Variants in WWOX observed in about 807,000 individuals in gnomAD.
WWOX encodes WW domain-containing oxidoreductase.
A neutral mutation model predicts 46.2 loss-of-function variants in WWOX; 69 were observed. The observed-to-expected ratio is 1.49, with a 90% CI of 1.23 to 1.82. WWOX has a LOEUF of 1.82. WWOX is among the 40% of genes most tolerant of loss of function. The probability of loss-of-function intolerance (pLI) is 0.00; values close to 1 mark genes in which losing one functional copy is unlikely to be tolerated. For missense variants in WWOX, 919 were observed against 542.6 expected, an observed-to-expected ratio of 1.69 and a Z score of -6.89; for synonymous variants, 359 against 202.6, an observed-to-expected ratio of 1.77 and a Z score of -6.56.
intron 8 of WWOX, among the ~76,000 whole-genome samples, chr16:79,128,159 C>G (rs945609615): frequency 6.6e-6 from 1 of 152,078 alleles, no homozygotes; most frequent in Non-Finnish European, 1.5e-5. Context: ...AAGACAATGG[C>G]TGTGGTTTGA....
intron 5 of WWOX, among the ~76,000 whole-genome samples, chr16:78,235,568 G>T (rs2037408529): frequency 6.6e-6 from 1 of 152,202 alleles, no homozygotes; most frequent in South Asian, 2.1e-4. Context: ...TCTTCAGCGT[G>T]GCTTCACTGG....
chr16:78,453,250 C>A (rs546272244), intron 8 of WWOX, among the ~76,000 whole-genome samples: 1 of 151,722 alleles, frequency 6.6e-6, no homozygotes. Context: ...ATGGTGAGAC[C>A]CTGTCTGTAC....
chr16:79,099,839 C>A (rs1402951588), intron 8 of WWOX, among the ~76,000 whole-genome samples: 2 of 152,088 alleles, frequency 1.3e-5, no homozygotes, highest in Non-Finnish European at 2.9e-5. Context: ...AGAGCAACAG[C>A]ATGAGTAGGA....
In WWOX at chr16:78,939,066, G is replaced by C. The variant is rs146831628; in HGVS notation, c.1057-272542G>C. Among the ~76,000 whole-genome samples the C allele has an allele frequency of 9.2e-5, 14 of 152,348 alleles. No individual in the cohort carries two copies. The East Asian group carries it at 2.7e-3, about 29-fold the overall frequency. The stretch of plus-strand genomic sequence containing the variant: ...AAAAGAAATGGAATTTCTAAATGGA[G>C]TGGGTAGCCACAGGAGGGCTTTAGA... On this transcript the variant is annotated intron_variant, in intron 8 of 8. Coordinates refer to ENST00000566780, the MANE Select transcript of WWOX (RefSeq NM_016373.4).
At chr16:78,917,334 C>G (rs4888878) in intron 8 of WWOX, among the ~76,000 whole-genome samples, 2,704 of 152,228 alleles carry the variant, frequency 0.018, 147 homozygotes, top group East Asian at 0.13. Context: ...TGTGGTGTCC[C>G]ACACTCAAAT....
At chr16:78,328,273 G>A (rs2151889753) in intron 5 of WWOX, among the ~76,000 whole-genome samples, 1 of 152,174 alleles carries the variant, frequency 6.6e-6, no homozygotes, top group South Asian at 2.1e-4. Context: ...GAATTGTCGT[G>A]GTCTTGTTTA....
chr16:78,362,871 C>T (rs8058491), intron 5 of WWOX, among the ~76,000 whole-genome samples: 12,854 of 152,162 alleles, frequency 0.084, 778 homozygotes, highest in African/African-American at 0.18. Flanking sequence ...AAGTGAGTTT[C>T]CGAAGTTGCT....
At chr16:78,170,158 A>C (rs1240131341) in intron 5 of WWOX, among the ~76,000 whole-genome samples, 1 of 152,150 alleles carries the variant, frequency 6.6e-6, no homozygotes, top group East Asian at 1.9e-4. Context: ...GCATTGCCAG[A>C]TGTCTCTTGG....
chr16:78,398,069 T>C (rs1449068779), intron 6 of WWOX, among the ~76,000 whole-genome samples: 1 of 152,208 alleles, frequency 6.6e-6, no homozygotes, highest in Non-Finnish European at 1.5e-5. Flanking sequence ...TCTACTTGTC[T>C]TCAAATTGAT....
chr16:78,108,523 G>A lies in WWOX; in HGVS notation c.172+36G>A, dbSNP rs375248981. The A allele has an allele frequency of 2.1e-5, 34 of 1,608,730 alleles. 1 individual carries two copies. In the South Asian group the frequency reaches 3.3e-4, roughly 16 times the overall value. ...TGTTGTCTAAGGATCTTGGATGGAA[G>A]CATTAAGTAGATGAGGAAATGTCAC... On this transcript the variant is annotated intron_variant, in intron 2 of 8. Coordinates refer to ENST00000566780, the MANE Select transcript of WWOX (RefSeq NM_016373.4).
intron 8 of WWOX, chr16:79,110,962 G>C (rs923988776): frequency 4.6e-5 from 7 of 152,336 alleles, no homozygotes; most frequent in Non-Finnish European, 2.9e-5. Flanking sequence ...TCATGGTCAA[G>C]AAATGGCAGA....
intron 6 of WWOX, among the ~76,000 whole-genome samples, chr16:78,404,369 A>G (rs1567552080): frequency 6.6e-6 from 1 of 152,034 alleles, no homozygotes; most frequent in African/African-American, 2.4e-5. Context: ...TTCAGATACC[A>G]CCTCTATCCT....
At chr16:78,223,900 G>C (rs773863228) in intron 5 of WWOX, among the ~76,000 whole-genome samples, 1 of 152,212 alleles carries the variant, frequency 6.6e-6, no homozygotes, top group Non-Finnish European at 1.5e-5. Context: ...CATTATTCCT[G>C]TTTTATAGAT....
chr16:78,985,235 G>T (rs1225068091), intron 8 of WWOX, among the ~76,000 whole-genome samples: 1 of 152,188 alleles, frequency 6.6e-6, no homozygotes. Flanking sequence ...TGATCATGAG[G>T]GTTTTACAGG....
chr16:79,105,013 G>A (rs148235184), intron 8 of WWOX, among the ~76,000 whole-genome samples: 11 of 152,186 alleles, frequency 7.2e-5, no homozygotes, highest in South Asian at 2.1e-4. Flanking sequence ...GGCAGTCTCC[G>A]GTCAGCACGG....
intron 8 of WWOX, among the ~76,000 whole-genome samples, chr16:78,584,354 C>G (rs1442386029): frequency 6.6e-6 from 1 of 152,198 alleles, no homozygotes; most frequent in Non-Finnish European, 1.5e-5. Flanking sequence ...GGAGACCAAG[C>G]ACTTGAATCC....
chr16:78,942,536 G>C (rs999268024), intron 8 of WWOX, among the ~76,000 whole-genome samples: 4 of 152,072 alleles, frequency 2.6e-5, no homozygotes, highest in African/African-American at 9.7e-5. Context: ...TGGGGGTAAA[G>C]CAAGGAATTA....
intron 8 of WWOX, among the ~76,000 whole-genome samples, chr16:78,712,131 C>T (rs1486770204): frequency 1.3e-5 from 2 of 152,118 alleles, no homozygotes; most frequent in Admixed American, 6.6e-5. Flanking sequence ...AATGCTCTGA[C>T]CAATAAGCCA....
intron 8 of WWOX, among the ~76,000 whole-genome samples, chr16:78,592,281 A>G (rs1157594084): frequency 1.3e-5 from 2 of 152,194 alleles, no homozygotes; most frequent in African/African-American, 4.8e-5. Flanking sequence ...ACTAAATAGG[A>G]CATATGTGTC....
Sources: gnomAD v4.1 joint callset for allele counts (sites outside exome capture counted in the v4.1 genomes callset) on GRCh38, gnomAD v4.1.1 for gene constraint, MANE v1.5 for transcripts, NCBI Gene and HGNC (gene_info 2026-07-23, HGNC 2026-07-21) for gene names.